Variants in TMEM181 observed in about 807,000 individuals in gnomAD.
TMEM181 encodes the protein transmembrane protein 181.
A neutral mutation model predicts 71.9 loss-of-function variants in TMEM181; 39 were observed. The ratio of observed to expected loss-of-function variants is 0.54; its 90% CI spans 0.42 to 0.71. TMEM181 has a LOEUF of 0.71. Ranked by LOEUF, TMEM181 falls within the 30% of genes least tolerant of loss-of-function variation. TMEM181 has a pLI of 0.00. For synonymous variants in TMEM181, 245 were observed against 228.8 expected (o/e 1.07, Z -0.64); for missense variants, 595 against 583.0 (o/e 1.02, Z -0.21).
intron 13 of TMEM181, among the ~76,000 whole-genome samples, chr6:158,626,926 A>AC (rs1313805921): frequency 4.0e-3 from 281 of 69,904 alleles, no homozygotes; most frequent in African/African-American, 0.02. Flanking sequence ...CCTCATTCTC[A>AC]CCCTCATTCT....
intron 2 of TMEM181, 100 bp from the exon 3 acceptor site, chr6:158,580,840 A>G (rs1413486864): frequency 2.8e-6 from 3 of 1,054,210 alleles, no homozygotes; most frequent in Non-Finnish European, 4.2e-6. Flanking sequence ...AATTAAGGTC[A>G]TCTCCGTGTA....
At chr6:158,585,697 G>A (rs1783729262) in intron 5 of TMEM181, among the ~76,000 whole-genome samples, 1 of 152,136 alleles carries the variant, frequency 6.6e-6, no homozygotes. Flanking sequence ...TATACTGCTA[G>A]CCACCCTGAG....
intron 10 of TMEM181, among the ~76,000 whole-genome samples, chr6:158,622,892 C>G (rs1431379277): frequency 6.6e-6 from 1 of 152,224 alleles, no homozygotes; most frequent in South Asian, 2.1e-4. Flanking sequence ...TGTGTCCACA[C>G]ACTTTCAAGC....
At chr6:158,560,699 G>A (rs1208248657) in intron 1 of TMEM181, among the ~76,000 whole-genome samples, 1 of 152,238 alleles carries the variant, frequency 6.6e-6, no homozygotes, top group East Asian at 1.9e-4. Context: ...CCGGGTGCGA[G>A]GCTCTCAGAG....
chr6:158,600,959 T>G (rs965729569), intron 6 of TMEM181, among the ~76,000 whole-genome samples: 2 of 152,192 alleles, frequency 1.3e-5, no homozygotes, highest in African/African-American at 4.8e-5. Context: ...TGTTTTTTTC[T>G]GATGGTAGCA....
chr6:158,584,177 A>G, intron 4 of TMEM181, 133 bp downstream of exon 4: 1 of 726,776 alleles, frequency 1.4e-6, no homozygotes, highest in Non-Finnish European at 2.1e-6. Context: ...ATTATTTATC[A>G]TAGCAACAAA....
rs550274315 is a variant in TMEM181 at position 158,560,248 on chromosome 6, AGCGGGCGG to A, written c.8+19_8+26del. 4.8e-4 allele frequency: 477 copies of A among 984,602 alleles called. No individual in the cohort carries two copies. The African/African-American group carries it at 7.2e-3, about 15-fold the overall frequency. 61.0% of individuals were successfully genotyped at this position (984,602 alleles called of 1,614,324 possible). On this transcript the variant is annotated intron_variant, in intron 1 of 16. Transcript: ENST00000684151. ...AGATGGAGCCGTGAGTCCCCGGCCG[AGCGGGCGG>A]GCTGGCTGGCTCTCCGGACACTCCG...
chr6:158,631,993 T>G lies in TMEM181; in HGVS notation c.*105T>G. On this transcript the variant is annotated 3_prime_UTR_variant, in exon 17 of 17. Coordinates refer to ENST00000684151, the MANE Select transcript of TMEM181 (RefSeq NM_001376852.1). ...TCAGATTTTTCTTACAAGCAGAGAT[T>G]TCCTGTTCATTTGTTTACATATTTT... 9.1e-7 allele frequency: 1 copy of G among 1,097,700 alleles called. No individual in the cohort carries two copies. Among genetic ancestry groups the G allele is most frequent in the Non-Finnish European group, 1.3e-6 (1 of 761,490 alleles). The allele number at this position is 1,097,700 out of a possible 1,614,324, so 68.0% of individuals were successfully genotyped here. A position where few individuals can be genotyped will look rare whatever the true frequency, so the allele number is the denominator to read the frequency against.
chr6:158,550,661 A>C (rs1781690670), intron 1 of TMEM181, among the ~76,000 whole-genome samples: 1 of 152,070 alleles, frequency 6.6e-6, no homozygotes, highest in Admixed American at 6.5e-5. Context: ...TCTCAAAAAA[A>C]AGAAAAAAAA....
chr6:158,589,830 C>T (rs1458266617), intron 6 of TMEM181, 48 bp downstream of exon 6: 3 of 1,304,844 alleles, frequency 2.3e-6, no homozygotes, highest in South Asian at 2.4e-5. Context: ...TGTTCTAGTT[C>T]CCATTCTTTG....
At chr6:158,560,063 G>C (rs1782064824), upstream of TMEM181, 1 of 985,086 alleles carries the variant, frequency 1.0e-6, no homozygotes, top group South Asian at 4.7e-5. Flanking sequence ...TCGCTTCCGC[G>C]CACGTGATCT....
chr6:158,627,272 C>T (rs1369952165), intron 13 of TMEM181, among the ~76,000 whole-genome samples: 3 of 152,212 alleles, frequency 2.0e-5, no homozygotes, highest in South Asian at 2.1e-4. Context: ...TGGTGGCCTC[C>T]GTCTCGGAAG....
At chr6:158,567,850 T>C (rs1022711049) in intron 1 of TMEM181, among the ~76,000 whole-genome samples, 27 of 152,040 alleles carry the variant, frequency 1.8e-4, no homozygotes, top group African/African-American at 6.5e-4. Flanking sequence ...ATAATTCACA[T>C]AGGATATGTG....
chr6:158,556,209 CA>C (rs994348362), upstream of TMEM181, among the ~76,000 whole-genome samples: 10 of 152,112 alleles, frequency 6.6e-5, no homozygotes, highest in Admixed American at 5.9e-4. Context: ...AAGCTGCTAC[CA>C]AAAAGAGGGA....
chr6:158,558,423 A>G (rs765948699), upstream of TMEM181, among the ~76,000 whole-genome samples: 1 of 152,258 alleles, frequency 6.6e-6, no homozygotes, highest in Non-Finnish European at 1.5e-5. Flanking sequence ...GCTTTTCTTC[A>G]TGATTCTAGA....
chr6:158,570,328 G>A (rs899763240), intron 1 of TMEM181, among the ~76,000 whole-genome samples: 1 of 151,190 alleles, frequency 6.6e-6, no homozygotes, highest in Non-Finnish European at 1.5e-5. Context: ...TGCCTCCCGG[G>A]TTCACACCGT....
At chr6:158,608,486 G>C (rs1481178510) in intron 9 of TMEM181, 23 bp downstream of exon 9, 1 of 1,614,080 alleles carries the variant, frequency 6.2e-7, no homozygotes, top group Admixed American at 1.7e-5. Flanking sequence ...CGCCCTCACT[G>C]CCGGGGGAGG....
At chr6:158,592,830 A>G (rs984324745) in intron 6 of TMEM181, among the ~76,000 whole-genome samples, 2 of 152,084 alleles carry the variant, frequency 1.3e-5, no homozygotes, top group Non-Finnish European at 2.9e-5. Context: ...AGGCAGGAGG[A>G]TCACTTGAGC....
intron 10 of TMEM181, among the ~76,000 whole-genome samples, chr6:158,618,962 T>C (rs1785786682): frequency 6.6e-6 from 1 of 152,236 alleles, no homozygotes; most frequent in East Asian, 1.9e-4. Context: ...CTGACAATTA[T>C]GTGTCTTGGG....
Sources: gnomAD v4.1 joint callset for allele counts (sites outside exome capture counted in the v4.1 genomes callset) on GRCh38, gnomAD v4.1.1 for gene constraint, MANE v1.5 for transcripts, NCBI Gene and HGNC (gene_info 2026-07-23, HGNC 2026-07-21) for gene names.